The following PLA2G10 variants were observed in gnomAD, a reference collection of about 807,000 sequenced individuals.
The protein encoded by PLA2G10 is phospholipase A2 group X, also known as group 10 secretory phospholipase A2.
A neutral mutation model predicts 7.9 loss-of-function variants in PLA2G10; 9 were observed. The ratio of observed to expected loss-of-function variants is 1.14; its 90% CI spans 0.68 to 1.98. The LOEUF (loss-of-function observed/expected upper bound fraction) is 1.98. Among genes scored for constraint, PLA2G10 ranks in the 30% most tolerant of loss-of-function variants. PLA2G10 has a pLI of 0.00. For synonymous variants in PLA2G10, 19 were observed against 27.5 expected, an observed-to-expected ratio of 0.69 and a Z score of 0.97; for missense variants, 53 against 65.4, an observed-to-expected ratio of 0.81 and a Z score of 0.66.
At chr16:14,680,126 TCTCA>T (rs1425448112) in intron 3 of PLA2G10, among the ~76,000 whole-genome samples, 1 of 146,510 alleles carries the variant, frequency 6.8e-6, no homozygotes, top group African/African-American at 2.5e-5. Flanking sequence ...TGAAACAGAG[TCTCA>T]CTCAGTCGCC....
intron 3 of PLA2G10, among the ~76,000 whole-genome samples, chr16:14,687,328 A>AT (rs201336845): frequency 0.06 from 8,208 of 136,328 alleles, 333 homozygotes; most frequent in Middle Eastern, 0.1. Context: ...GTTAGGTAAA[A>AT]TTTTTTTTTT....
intron 3 of PLA2G10, among the ~76,000 whole-genome samples, chr16:14,676,824 T>A (rs1254490767): frequency 6.6e-6 from 1 of 152,186 alleles, no homozygotes; most frequent in African/African-American, 2.4e-5. Context: ...TTGATAGGGA[T>A]TGCAAGGAAG....
At chr16:14,684,944 A>G (rs767413606) in intron 3 of PLA2G10, among the ~76,000 whole-genome samples, 16 of 152,228 alleles carry the variant, frequency 1.1e-4, no homozygotes, top group African/African-American at 3.1e-4. Context: ...TAGCAGCACT[A>G]TTCACATAAG....
intron 3 of PLA2G10, among the ~76,000 whole-genome samples, chr16:14,685,590 A>G (rs2151854466): frequency 6.6e-6 from 1 of 152,260 alleles, no homozygotes; most frequent in African/African-American, 2.4e-5. Flanking sequence ...AGGCAGAGTG[A>G]TGAAAAAGTT....
intron 3 of PLA2G10, among the ~76,000 whole-genome samples, chr16:14,676,288 T>C (rs1482427870): frequency 6.6e-6 from 1 of 152,146 alleles, no homozygotes; most frequent in Non-Finnish European, 1.5e-5. Flanking sequence ...AATAAATCAT[T>C]ATATCAAAAA....
intron 3 of PLA2G10, among the ~76,000 whole-genome samples, chr16:14,676,394 G>A (rs1289791822): frequency 6.6e-6 from 1 of 152,166 alleles, no homozygotes; most frequent in African/African-American, 2.4e-5. Context: ...TAAAGAAAAT[G>A]TGGTGGCTGG....
intron 3 of PLA2G10, chr16:14,678,865 A>G (rs1408924469): frequency 3.5e-6 from 1 of 288,802 alleles, no homozygotes; most frequent in Non-Finnish European, 7.0e-6. Flanking sequence ...TGCCCTAGGA[A>G]TCTAGCCCCT....
intron 3 of PLA2G10, among the ~76,000 whole-genome samples, chr16:14,687,095 T>A: frequency 6.9e-6 from 1 of 144,878 alleles, no homozygotes; most frequent in African/African-American, 2.6e-5. Flanking sequence ...GCAACAGGAG[T>A]AAAACTCTGT....
chr16:14,679,297 G>T (rs1440323636), intron 3 of PLA2G10, among the ~76,000 whole-genome samples: 1 of 152,050 alleles, frequency 6.6e-6, no homozygotes, highest in Non-Finnish European at 1.5e-5. Flanking sequence ...ACTTTGGGAG[G>T]CTGAGTCAGA....
At chr16:14,679,672 AAAAT>A (rs1960832259) in intron 3 of PLA2G10, among the ~76,000 whole-genome samples, 1 of 150,144 alleles carries the variant, frequency 6.7e-6, no homozygotes, top group Admixed American at 6.6e-5. Context: ...AAAAAAAAAA[AAAAT>A]AATAATAATA....
intron 3 of PLA2G10, among the ~76,000 whole-genome samples, chr16:14,680,226 G>A (rs1410081832): frequency 6.0e-5 from 9 of 150,742 alleles, no homozygotes; most frequent in East Asian, 5.8e-4. Flanking sequence ...TCAACCTCCC[G>A]AATAGCTGGG....
At chr16:14,681,473 A>AAT (rs1458512229) in intron 3 of PLA2G10, among the ~76,000 whole-genome samples, 1 of 151,932 alleles carries the variant, frequency 6.6e-6, no homozygotes, top group Non-Finnish European at 1.5e-5. Context: ...CAACAGCAAG[A>AAT]CCTGGCCCCA....
intron 3 of PLA2G10, among the ~76,000 whole-genome samples, chr16:14,675,493 G>C (rs1254140338): frequency 6.6e-6 from 1 of 152,106 alleles, no homozygotes; most frequent in Non-Finnish European, 1.5e-5. Context: ...AAACTAAAAA[G>C]CTTCTGCATA....
rs763526715 is a variant in PLA2G10, at chr16:14,672,859, A to T, written c.356-110T>A. On this transcript the variant is annotated intron_variant, in intron 3 of 3. Transcript: ENST00000438167. The stretch of plus-strand genomic sequence containing the variant: ...ATAAATTACATTTCTGAGACACTTG[A>T]CAGCCCACCACGTGATCTCCATCTG... 5.1e-6 allele frequency: 5 copies of T among 976,260 alleles called. No homozygotes were observed. In the South Asian group the frequency reaches 6.3e-5, roughly 12 times the overall value. The allele number at this position is 976,260 out of a possible 1,614,324, so 60.5% of individuals were successfully genotyped here. A position where few individuals can be genotyped will look rare whatever the true frequency, so the allele number is the denominator to read the frequency against.
chr16:14,674,332 T>A (rs1234397031), intron 3 of PLA2G10, among the ~76,000 whole-genome samples: 1 of 152,204 alleles, frequency 6.6e-6, no homozygotes, highest in Admixed American at 6.5e-5. Flanking sequence ...ACAGATTCAA[T>A]GCAATTCCTA....
intron 3 of PLA2G10, among the ~76,000 whole-genome samples, chr16:14,687,432 C>G (rs571216669): frequency 6.6e-6 from 1 of 150,750 alleles, no homozygotes; most frequent in African/African-American, 2.4e-5. Flanking sequence ...GGGCTTCAAG[C>G]GATCCTCCCA....
intron 3 of PLA2G10, among the ~76,000 whole-genome samples, chr16:14,684,450 G>A (rs2151853649): frequency 6.6e-6 from 1 of 151,428 alleles, no homozygotes; most frequent in Non-Finnish European, 1.5e-5. Flanking sequence ...TGGATTGCTT[G>A]AGGTCAGGAA....
At chr16:14,684,064 A>C (rs551174217) in intron 3 of PLA2G10, among the ~76,000 whole-genome samples, 1 of 151,958 alleles carries the variant, frequency 6.6e-6, no homozygotes, top group Non-Finnish European at 1.5e-5. Context: ...TTATCTCTAC[A>C]AAAAGTTTAA....
At chr16:14,687,825 C>T (rs1961136572) in intron 3 of PLA2G10, among the ~76,000 whole-genome samples, 1 of 150,788 alleles carries the variant, frequency 6.6e-6, no homozygotes. Flanking sequence ...GGTGAAACCC[C>T]ACCTCTACTG....
Sources: allele counts gnomAD v4.1 joint callset (sites outside exome capture counted in the v4.1 genomes callset), GRCh38; gene constraint gnomAD v4.1.1; transcripts MANE v1.5; gene names NCBI Gene and HGNC (gene_info 2026-07-23, HGNC 2026-07-21).